The following LCOR variants were observed in gnomAD, a reference collection of about 807,000 sequenced individuals.
LCOR encodes ligand dependent nuclear receptor corepressor, also known as ligand-dependent corepressor.
A neutral mutation model predicts 64.4 loss-of-function variants in LCOR; 14 were observed. The observed-to-expected ratio is 0.22, with a 90% confidence interval of 0.14 to 0.34. The LOEUF is 0.34. Among genes scored for constraint, LCOR ranks in the 10% least tolerant of loss-of-function variants. The pLI is 1.00. For missense variants in LCOR, 1,686 were observed against 1,765.3 expected, an observed-to-expected ratio of 0.96 and a Z score of 0.80; for synonymous variants, 643 against 642.5, an observed-to-expected ratio of 1.00 and a Z score of -0.01.
Position 96,981,504 on chromosome 10 carries a change from A to C in LCOR, c.1044A>C (p.Ser348=), listed in dbSNP as rs771211882. The part of the protein sequence containing the change: ...IPQRNLFKAL[S]EEAWNSGFMG... Reference sequence around the variant, plus strand: ...AAAGAAATTTGTTCAAAGCTTTATCAGAAGAGGCTTGGAACTCAGGGTTTA... The same window carrying C: ...AAAGAAATTTGTTCAAAGCTTTATCCGAAGAGGCTTGGAACTCAGGGTTTA... The change falls in exon 8 of 8, where the codon TCA becomes TCC. Residue 348 remains serine (S), a synonymous_variant. Transcript: ENST00000421806. 6 of 1,614,250 alleles carry C rather than the reference A, an allele frequency of 3.7e-6. No homozygotes were observed. Among genetic ancestry groups the C allele is most frequent in the Non-Finnish European group, 5.1e-6 (6 of 1,180,034 alleles).
rs1848167166 is a variant in LCOR, at chr10:96,988,374, A to G, written c.*3240A>G. On this transcript the variant is annotated 3_prime_UTR_variant, in exon 8 of 8. Coordinates refer to ENST00000421806, the MANE Select transcript of LCOR (RefSeq NM_001346516.2). ...TTGTTAAAGACTTCTGTGCAGCCTT[A>G]TCTAAAATGATAATCTTAGGCTGTG... 1 of 152,196 alleles carries G rather than the reference A, an allele frequency of 6.6e-6. No individual in the cohort carries two copies. The highest frequency in any genetic ancestry group is 2.4e-5 in the African/African-American group (1 of 41,446). 9.4% of individuals were successfully genotyped at this position (152,196 alleles called of 1,614,324 possible). A position where few individuals can be genotyped will look rare whatever the true frequency, so the allele number is the denominator to read the frequency against.
chr10:96,941,056 T>G (rs2134507114), intron 4 of LCOR, among the ~76,000 whole-genome samples: 1 of 106,928 alleles, frequency 9.4e-6, no homozygotes, highest in South Asian at 3.5e-4. Flanking sequence ...ACAGGGCGGC[T>G]GGCCGACCCC....
At position 96,989,589 on chromosome 10, in the gene LCOR, T is replaced by G. The variant is rs946125834; in HGVS notation, c.*4455T>G. 2 of 149,606 alleles carry G rather than the reference T, an allele frequency of 1.3e-5. No homozygotes were observed. Among genetic ancestry groups the G allele is most frequent in the Non-Finnish European group, 3.0e-5 (2 of 67,684 alleles). The allele number at this position is 149,606 out of a possible 1,614,324, so 9.3% of individuals were successfully genotyped here. ...TAGAGGCTTTTGAAGTGCTTTAATA[T>G]TGATTTAAAAAATTGGAGTTATAAC... On this transcript the variant is annotated 3_prime_UTR_variant, in exon 8 of 8. Coordinates refer to ENST00000421806, the MANE Select transcript of LCOR (RefSeq NM_001346516.2).
At chr10:96,857,611 C>T (rs949473119) in intron 2 of LCOR, among the ~76,000 whole-genome samples, 1 of 152,172 alleles carries the variant, frequency 6.6e-6, no homozygotes, top group Non-Finnish European at 1.5e-5. Flanking sequence ...GAATATTCCA[C>T]AGCATCCTCC....
At chr10:96,897,270 T>G (rs1265321349) in intron 2 of LCOR, among the ~76,000 whole-genome samples, 3 of 152,212 alleles carry the variant, frequency 2.0e-5, no homozygotes, top group African/African-American at 7.2e-5. Flanking sequence ...AAAAGAGTAG[T>G]TAGTGGCTGT....
chr10:96,949,409 G>T (rs993348201), intron 6 of LCOR, 114 bp downstream of exon 6: 3 of 951,372 alleles, frequency 3.2e-6, no homozygotes, highest in Non-Finnish European at 4.8e-6. Flanking sequence ...AAAAACTAAT[G>T]TGATTCTTAA....
chr10:96,844,019 A>T (rs995145210), intron 2 of LCOR, among the ~76,000 whole-genome samples: 13 of 152,092 alleles, frequency 8.5e-5, no homozygotes, highest in African/African-American at 2.9e-4. Context: ...ATTCGTAATC[A>T]CTCAGCTAAA....
At chr10:96,947,808 T>G (rs1305122752) in intron 5 of LCOR, among the ~76,000 whole-genome samples, 1 of 152,190 alleles carries the variant, frequency 6.6e-6, no homozygotes. Context: ...ATACACACTT[T>G]AGACCAGGCA....
intron 2 of LCOR, among the ~76,000 whole-genome samples, chr10:96,904,710 T>G (rs946956619): frequency 1.3e-5 from 2 of 152,236 alleles, no homozygotes; most frequent in African/African-American, 4.8e-5. Flanking sequence ...AGTATTTAGT[T>G]TTCCATGGCA....
At chr10:96,940,569 C>T (rs1232552606) in intron 4 of LCOR, among the ~76,000 whole-genome samples, 3 of 103,870 alleles carry the variant, frequency 2.9e-5, no homozygotes, top group East Asian at 4.9e-4. Context: ...CATCTTGCAC[C>T]GCCCTTAATC....
chr10:96,950,187 G>A (rs1847653655), intron 6 of LCOR, among the ~76,000 whole-genome samples: 1 of 151,982 alleles, frequency 6.6e-6, no homozygotes, highest in Non-Finnish European at 1.5e-5. Context: ...TTTATTTATT[G>A]GATTTATTGG....
intron 2 of LCOR, among the ~76,000 whole-genome samples, chr10:96,860,448 C>T (rs994512598): frequency 1.3e-5 from 2 of 152,126 alleles, no homozygotes; most frequent in Non-Finnish European, 2.9e-5. Context: ...TGGCAACCAC[C>T]GGAAGCTAGG....
At chr10:96,863,994 A>G (rs1026972335) in intron 2 of LCOR, among the ~76,000 whole-genome samples, 1 of 152,308 alleles carries the variant, frequency 6.6e-6, no homozygotes, top group Non-Finnish European at 1.5e-5. Context: ...GTATGTTTAC[A>G]TTCTGATGTG....
intron 7 of LCOR, among the ~76,000 whole-genome samples, chr10:96,971,619 C>T (rs989763527): frequency 5.3e-5 from 8 of 152,102 alleles, no homozygotes; most frequent in African/African-American, 1.9e-4. Context: ...GTTGTGTAAG[C>T]AGTGGGGAGC....
intron 1 of LCOR, chr10:96,832,923 G>T (rs1845369537): frequency 2.2e-6 from 2 of 929,372 alleles, no homozygotes; most frequent in African/African-American, 1.8e-5. Flanking sequence ...CACGCGCGGC[G>T]GGCTGCAGGC....
chr10:96,969,756 TTTC>T (rs1198595647), intron 7 of LCOR, among the ~76,000 whole-genome samples: 1 of 147,322 alleles, frequency 6.8e-6, no homozygotes, highest in Admixed American at 6.6e-5. Flanking sequence ...TTTCAACAAT[TTTC>T]TTTCTTTTTT....
intron 2 of LCOR, among the ~76,000 whole-genome samples, chr10:96,899,953 A>G (rs1846605263): frequency 6.6e-6 from 1 of 152,122 alleles, no homozygotes; most frequent in Non-Finnish European, 1.5e-5. Context: ...CTTACAATTC[A>G]CCTATTTTAA....
At chr10:96,920,668 A>ATG (rs1196928886) in intron 4 of LCOR, among the ~76,000 whole-genome samples, 2 of 134,432 alleles carry the variant, frequency 1.5e-5, no homozygotes, top group East Asian at 1.9e-4. Flanking sequence ...ATATGTATAT[A>ATG]TGTATATATT....
chr10:96,942,599 GAGTT>G (rs1847513094), intron 4 of LCOR, among the ~76,000 whole-genome samples: 1 of 152,126 alleles, frequency 6.6e-6, no homozygotes. Flanking sequence ...ATATGCCAGT[GAGTT>G]CTTCATATTA....
Sources: gnomAD v4.1 joint callset for allele counts (sites outside exome capture counted in the v4.1 genomes callset) on GRCh38, gnomAD v4.1.1 for gene constraint, MANE v1.5 for transcripts, NCBI Gene and HGNC (gene_info 2026-07-23, HGNC 2026-07-21) for gene names.